Variants in FGF14 observed in about 807,000 individuals in gnomAD.
The protein encoded by FGF14 is fibroblast growth factor homologous factor 4.
In FGF14, 5 loss-of-function variants were observed where a neutral mutation model predicts 25.5. The observed-to-expected ratio is 0.20, with a 90% CI of 0.10 to 0.41. FGF14 has a LOEUF of 0.41. Among genes scored for constraint, FGF14 ranks in the 10% least tolerant of loss-of-function variants. FGF14 has a pLI of 1.00. For synonymous variants in FGF14, 138 were observed against 118.3 expected, an observed-to-expected ratio of 1.17 and a Z score of -1.08; for missense variants, 222 against 320.1, an observed-to-expected ratio of 0.69 and a Z score of 2.34.
At chr13:102,163,730 T>G (rs2047878997) in intron 1 of FGF14, among the ~76,000 whole-genome samples, 1 of 151,876 alleles carries the variant, frequency 6.6e-6, no homozygotes, top group Non-Finnish European at 1.5e-5. Context: ...GAGCCTGGAT[T>G]GGGAAGATTC....
At chr13:102,368,763 A>G (rs751431590) in intron 1 of FGF14, among the ~76,000 whole-genome samples, 2 of 152,198 alleles carry the variant, frequency 1.3e-5, no homozygotes, top group Non-Finnish European at 2.9e-5. Context: ...CTTCTTTTGT[A>G]ATGTTGATAT....
upstream of FGF14, among the ~76,000 whole-genome samples, chr13:101,918,101 C>T (rs1376875410): frequency 8.1e-6 from 1 of 123,222 alleles, no homozygotes; most frequent in Non-Finnish European, 1.5e-5. Flanking sequence ...GGCGTCTCCT[C>T]CCCCTTGATT....
At chr13:102,301,457 T>A (rs549470826) in intron 1 of FGF14, among the ~76,000 whole-genome samples, 11 of 152,238 alleles carry the variant, frequency 7.2e-5, no homozygotes, top group African/African-American at 2.4e-4. Context: ...AAACACCAAA[T>A]AAAACATGGG....
At chr13:102,088,658 C>G (rs1027157466) in intron 1 of FGF14, among the ~76,000 whole-genome samples, 1 of 151,866 alleles carries the variant, frequency 6.6e-6, no homozygotes, top group Admixed American at 6.6e-5. Flanking sequence ...ATGTATTAAA[C>G]TGGAAAAATA....
chr13:102,204,173 G>A (rs2049799835), intron 1 of FGF14, among the ~76,000 whole-genome samples: 1 of 152,194 alleles, frequency 6.6e-6, no homozygotes, highest in South Asian at 2.1e-4. Context: ...TAGGAGGTAG[G>A]TAGTGTTTGT....
intron 1 of FGF14, among the ~76,000 whole-genome samples, chr13:102,317,178 C>G (rs1183104125): frequency 6.6e-6 from 1 of 152,162 alleles, no homozygotes. Context: ...TTAATTTACA[C>G]TATACAGTCA....
intron 1 of FGF14, among the ~76,000 whole-genome samples, chr13:102,314,372 A>G (rs887916812): frequency 1.3e-5 from 2 of 152,212 alleles, no homozygotes; most frequent in Non-Finnish European, 2.9e-5. Context: ...ACTACTTACT[A>G]GTTCCTTCTG....
chr13:101,781,837 G>A (rs914962849), intron 3 of FGF14, among the ~76,000 whole-genome samples: 5 of 152,200 alleles, frequency 3.3e-5, no homozygotes, highest in African/African-American at 1.2e-4. Flanking sequence ...AATTGATTCA[G>A]CAGCTGGGAT....
At chr13:102,020,901 A>C (rs759106490) in intron 1 of FGF14, among the ~76,000 whole-genome samples, 2 of 149,802 alleles carry the variant, frequency 1.3e-5, no homozygotes, top group Non-Finnish European at 2.9e-5. Flanking sequence ...TGAGGAAATA[A>C]GATGTCGATG....
At chr13:102,154,259 C>T (rs1231966770) in intron 1 of FGF14, among the ~76,000 whole-genome samples, 2 of 151,800 alleles carry the variant, frequency 1.3e-5, no homozygotes, top group East Asian at 3.9e-4. Context: ...TTAAAAGCAG[C>T]CAGAGAGAAA....
At chr13:101,954,414 A>C (rs550425903) in intron 1 of FGF14, among the ~76,000 whole-genome samples, 2 of 152,316 alleles carry the variant, frequency 1.3e-5, no homozygotes, top group South Asian at 4.1e-4. Context: ...TATGGGCTTG[A>C]GAGAAGACAG....
intron 1 of FGF14, among the ~76,000 whole-genome samples, chr13:102,155,500 C>A (rs1029107255): frequency 6.6e-6 from 1 of 151,750 alleles, no homozygotes; most frequent in African/African-American, 2.4e-5. Context: ...ATCTCTGGGA[C>A]ACATTCAAAG....
chr13:101,757,590 C>T (rs764266663), intron 3 of FGF14, among the ~76,000 whole-genome samples: 12 of 152,270 alleles, frequency 7.9e-5, no homozygotes, highest in South Asian at 2.1e-4. Flanking sequence ...TATGAGATGG[C>T]TACAGAAGAT....
intron 1 of FGF14, among the ~76,000 whole-genome samples, chr13:102,359,090 T>C (rs1692772723): frequency 6.6e-6 from 1 of 152,072 alleles, no homozygotes; most frequent in Non-Finnish European, 1.5e-5. Flanking sequence ...ACACAGCATG[T>C]TCTCACTTGT....
At chr13:101,782,774 T>C (rs905126794) in intron 3 of FGF14, among the ~76,000 whole-genome samples, 8 of 152,226 alleles carry the variant, frequency 5.3e-5, no homozygotes, top group Admixed American at 3.9e-4. Context: ...CATATTTCTT[T>C]AACCAGTCTA....
intron 1 of FGF14, among the ~76,000 whole-genome samples, chr13:102,135,380 A>G (rs2046370108): frequency 6.6e-6 from 1 of 152,226 alleles, no homozygotes; most frequent in Admixed American, 6.5e-5. Flanking sequence ...GTCTGCTTGC[A>G]CCATGAGAAA....
chr13:102,353,221 A>G (rs1234119392), intron 1 of FGF14, among the ~76,000 whole-genome samples: 6 of 152,128 alleles, frequency 3.9e-5, no homozygotes, highest in Non-Finnish European at 2.9e-5. Context: ...TTGCTAATAA[A>G]CTTCTTGTTT....
At chr13:102,224,098 T>C (rs941850516) in intron 1 of FGF14, among the ~76,000 whole-genome samples, 16 of 152,252 alleles carry the variant, frequency 1.1e-4, no homozygotes, top group Admixed American at 8.5e-4. Flanking sequence ...AGATATTTGG[T>C]TGTGAAAAAG....
intron 2 of FGF14, among the ~76,000 whole-genome samples, chr13:101,874,198 T>G (rs1458714734): frequency 6.6e-6 from 1 of 152,046 alleles, no homozygotes; most frequent in Non-Finnish European, 1.5e-5. Flanking sequence ...AATTTTAAAT[T>G]GAGCTGATAA....
Sources: gnomAD v4.1 joint callset for allele counts (sites outside exome capture counted in the v4.1 genomes callset) on GRCh38, gnomAD v4.1.1 for gene constraint, MANE v1.5 for transcripts, NCBI Gene and HGNC (gene_info 2026-07-23, HGNC 2026-07-21) for gene names.